Variants in TTC6 observed in about 807,000 individuals in gnomAD.
The protein encoded by TTC6 is tetratricopeptide repeat protein 6.
Under a neutral mutation model 210.4 loss-of-function variants are expected in TTC6, and 172 were observed. The ratio of observed to expected loss-of-function variants is 0.82; its 90% CI spans 0.72 to 0.93. The LOEUF (loss-of-function observed/expected upper bound fraction) is 0.93, where lower values mean the gene tolerates loss of function less well. TTC6 is among the 40% of genes least tolerant of loss of function. TTC6 has a pLI of 0.00. For synonymous variants in TTC6, 804 were observed against 819.6 expected (o/e 0.98, Z 0.32); for missense variants, 2,414 against 2,318.1 (o/e 1.04, Z -0.85).
At chr14:37,619,024 T>C (rs2095647042), upstream of TTC6, among the ~76,000 whole-genome samples, 1 of 152,144 alleles carries the variant, frequency 6.6e-6, no homozygotes, top group African/African-American at 2.4e-5. Context: ...GATATGAACA[T>C]ATTGCCACCT....
At chr14:37,814,771 A>G (rs2096137660) in intron 25 of TTC6, among the ~76,000 whole-genome samples, 1 of 152,176 alleles carries the variant, frequency 6.6e-6, no homozygotes, top group Admixed American at 6.5e-5. Flanking sequence ...AACAACTAAA[A>G]AAAGATGTGG....
chr14:37,766,095 A>G (rs532747902), intron 14 of TTC6, among the ~76,000 whole-genome samples: 9 of 152,174 alleles, frequency 5.9e-5, no homozygotes, highest in African/African-American at 2.2e-4. Context: ...TAATACATTC[A>G]TTTCTTTCAT....
intron 14 of TTC6, among the ~76,000 whole-genome samples, chr14:37,754,715 G>A (rs181529708): frequency 6.6e-6 from 1 of 152,240 alleles, no homozygotes; most frequent in African/African-American, 2.4e-5. Flanking sequence ...TTACAGGCAT[G>A]AGCCACCATG....
chr14:37,642,836 C>G (rs750753982), intron 1 of TTC6, among the ~76,000 whole-genome samples: 1 of 152,160 alleles, frequency 6.6e-6, no homozygotes, highest in East Asian at 1.9e-4. Context: ...AATAGCTACC[C>G]AACTGTAACA....
intron 20 of TTC6, among the ~76,000 whole-genome samples, chr14:37,800,746 A>G (rs2096104497): frequency 6.6e-6 from 1 of 152,212 alleles, no homozygotes; most frequent in South Asian, 2.1e-4. Flanking sequence ...CTTTTGTCTA[A>G]TGAAGTGAAT....
chr14:37,674,267 C>A (rs1343371759), intron 1 of TTC6, among the ~76,000 whole-genome samples: 2 of 151,988 alleles, frequency 1.3e-5, no homozygotes, highest in African/African-American at 4.8e-5. Flanking sequence ...CTGAATAACT[C>A]TACAGATTAT....
At chr14:37,793,204 C>T (rs1043076520) in intron 17 of TTC6, among the ~76,000 whole-genome samples, 7 of 152,142 alleles carry the variant, frequency 4.6e-5, no homozygotes, top group Middle Eastern at 3.2e-3. Context: ...TCAATAGCTT[C>T]GCTTGTGTTT....
At chr14:37,738,779 G>A (rs1328182687) in exon 10 of TTC6, 12 of 1,475,510 alleles carry the variant, frequency 8.1e-6, no homozygotes, top group Non-Finnish European at 1.1e-5. Flanking sequence ...TACTAAGCGA[G>A]TAAAATCTTC....
intron 29 of TTC6, among the ~76,000 whole-genome samples, chr14:37,833,986 C>G (rs1192922370): frequency 1.3e-5 from 2 of 152,146 alleles, no homozygotes; most frequent in Admixed American, 6.5e-5. Context: ...GTTCTTCCCC[C>G]CAACCCCTCA....
chr14:37,803,176 T>C (rs1382335189), intron 20 of TTC6, among the ~76,000 whole-genome samples: 1 of 152,204 alleles, frequency 6.6e-6, no homozygotes, highest in Non-Finnish European at 1.5e-5. Flanking sequence ...CCTCCCAGCC[T>C]GTCCTCTGTG....
At chr14:37,628,170 T>C (rs1387227467) in intron 1 of TTC6, among the ~76,000 whole-genome samples, 1 of 152,182 alleles carries the variant, frequency 6.6e-6, no homozygotes, top group African/African-American at 2.4e-5. Context: ...GATTTTACCA[T>C]GTTGGTCATG....
rs772234276 is a variant in TTC6 at position 37,696,803 on chromosome 14, A to G, written c.1344A>G (p.Ser448=). The G allele has an allele frequency of 2.1e-6, 3 of 1,417,204 alleles. No homozygotes were observed. In the African/African-American group the frequency reaches 4.4e-5, roughly 21 times the overall value. 87.8% of individuals were successfully genotyped at this position (1,417,204 alleles called of 1,614,324 possible). The change falls in exon 4 of 31, where the codon TCA becomes TCG. Residue 448 remains serine, a synonymous_variant. Transcript: ENST00000553443. The stretch of plus-strand genomic sequence containing the variant: ...AATCACTGAGACCAAGAAAGTCTTC[A>G]AAACCTCTTTGTGATAAAAAACTAC...
intron 5 of TTC6, among the ~76,000 whole-genome samples, chr14:37,702,863 C>A (rs568624620): frequency 5.9e-5 from 9 of 152,102 alleles, no homozygotes; most frequent in South Asian, 4.1e-4. Context: ...CTATTTGAAT[C>A]CCTAAAAGAA....
intron 14 of TTC6, among the ~76,000 whole-genome samples, chr14:37,757,025 G>A (rs1173546689): frequency 2.0e-5 from 3 of 152,058 alleles, no homozygotes; most frequent in Non-Finnish European, 4.4e-5. Context: ...CTGAATTTCA[G>A]AACTTGTTAT....
At chr14:37,684,363 T>C (rs1360340662) in intron 3 of TTC6, among the ~76,000 whole-genome samples, 1 of 152,084 alleles carries the variant, frequency 6.6e-6, no homozygotes, top group Non-Finnish European at 1.5e-5. Flanking sequence ...CCACAAGTAA[T>C]AGTTGACCAG....
At chr14:37,837,614 C>A (rs1211672210) in intron 29 of TTC6, 5 of 245,582 alleles carry the variant, frequency 2.0e-5, no homozygotes, top group South Asian at 2.0e-4. Flanking sequence ...TGAGTCCTTA[C>A]TATTTTCTGC....
rs1335702418 is a variant in TTC6, at chr14:37,725,055, A to G, written c.1818+53A>G. On this transcript the variant is annotated intron_variant, in intron 7 of 30. Coordinates refer to ENST00000553443, the Ensembl canonical transcript of TTC6. ...TATTGTTGTTGTTATTATTTAATAAATAAATTGTATAATTGGCTATGACAT... is the reference window on the plus strand; with the variant it reads ...TATTGTTGTTGTTATTATTTAATAAGTAAATTGTATAATTGGCTATGACAT... 3.0e-6 allele frequency: 3 copies of G among 1,008,386 alleles called. No homozygotes were observed. The African/African-American group carries it at 4.9e-5, about 17-fold the overall frequency. The allele number at this position is 1,008,386 out of a possible 1,614,324, so 62.5% of individuals were successfully genotyped here.
intron 14 of TTC6, among the ~76,000 whole-genome samples, chr14:37,766,927 A>C (rs1023867442): frequency 6.7e-6 from 1 of 150,024 alleles, no homozygotes; most frequent in East Asian, 1.9e-4. Context: ...CATTAGGTAT[A>C]TCTCCCAATG....
In TTC6 at chr14:37,714,158, T is replaced by C. The variant is rs200089442; in HGVS notation, c.1572-497T>C. On this transcript the variant is annotated intron_variant, in intron 5 of 30. Coordinates refer to ENST00000553443, the Ensembl canonical transcript of TTC6. ...TTATTGATAAGTTTTGTTCCATATA[T>C]ATTCTCATGTATATGTAGCTTGTAG... Among the ~76,000 whole-genome samples, 46 of 152,298 alleles carry C rather than the reference T, an allele frequency of 3.0e-4. No homozygotes were observed. The East Asian group carries it at 7.9e-3, about 26-fold the overall frequency.
Sources: allele counts gnomAD v4.1 joint callset (sites outside exome capture counted in the v4.1 genomes callset), GRCh38; gene constraint gnomAD v4.1.1; transcripts MANE v1.5; gene names NCBI Gene and HGNC (gene_info 2026-07-23, HGNC 2026-07-21).